The following PUM1 variants were observed in gnomAD, a reference collection of about 807,000 sequenced individuals.
PUM1 encodes pumilio homolog 1.
In PUM1, 13 loss-of-function variants were observed where a neutral mutation model predicts 131.8. The ratio of observed to expected loss-of-function variants is 0.10; its 90% CI spans 0.06 to 0.16. The LOEUF (loss-of-function observed/expected upper bound fraction) is 0.16. Ranked by LOEUF, PUM1 falls within the 10% of genes least tolerant of loss-of-function variation. The probability of loss-of-function intolerance (pLI) is 1.00; values close to 1 mark genes in which losing one functional copy is unlikely to be tolerated. For missense variants in PUM1, 961 were observed against 1,512.4 expected, an observed-to-expected ratio of 0.64 and a Z score of 6.05; for synonymous variants, 509 against 556.5, an observed-to-expected ratio of 0.91 and a Z score of 1.20.
intron 14 of PUM1, among the ~76,000 whole-genome samples, chr1:30,963,575 C>T (rs1000556776): frequency 6.6e-6 from 1 of 152,198 alleles, no homozygotes; most frequent in Non-Finnish European, 1.5e-5. Flanking sequence ...GTCTATTACC[C>T]TACCCACTTC....
In PUM1 at chr1:30,933,346, G is replaced by A; in HGVS notation, c.3436-4C>T. 2 of 1,612,966 alleles carry A rather than the reference G, an allele frequency of 1.2e-6. No individual in the cohort carries two copies. The highest frequency in any genetic ancestry group is 1.7e-6 in the Non-Finnish European group (2 of 1,179,284). ...GAGTTGCGATGTGGGGCCGGATCTG[G>A]GGAGGAAAGACAGTCTGTGTTACAT... On this transcript the variant is annotated splice_region_variant and splice_polypyrimidine_tract_variant and intron_variant, in intron 21 of 21. Transcript: ENST00000426105.
chr1:30,951,297 T>C (rs540329086), intron 16 of PUM1, among the ~76,000 whole-genome samples: 1 of 152,296 alleles, frequency 6.6e-6, no homozygotes, highest in African/African-American at 2.4e-5. Flanking sequence ...CAGTGCAAAG[T>C]CATTCTAAAA....
Position 30,952,408 on chromosome 1 carries a change from C to G in PUM1, c.2592-45G>C, listed in dbSNP as rs758413174. The G allele has an allele frequency of 5.5e-5, 89 of 1,612,156 alleles. No homozygotes were observed. In the South Asian group the frequency reaches 9.6e-4, roughly 17 times the overall value. On this transcript the variant is annotated intron_variant, in intron 15 of 21. Coordinates refer to ENST00000426105, the MANE Select transcript of PUM1 (RefSeq NM_001020658.2). ...GGGCAATCACAGCACTGAAGGAAGA[C>G]CTGGAGATACATCAGTGTACCTCGG...
chr1:31,010,515 G>A (rs886593427), intron 3 of PUM1, among the ~76,000 whole-genome samples: 1 of 152,050 alleles, frequency 6.6e-6, no homozygotes, highest in Non-Finnish European at 1.5e-5. Context: ...CTATACAGAC[G>A]CCACATGAAG....
chr1:31,036,207 C>G (rs1039338332), intron 2 of PUM1, among the ~76,000 whole-genome samples: 1 of 151,994 alleles, frequency 6.6e-6, no homozygotes, highest in African/African-American at 2.4e-5. Flanking sequence ...GTAGCTGGGA[C>G]TACGAGTGCG....
Position 30,995,126 on chromosome 1 carries a change from T to G in PUM1, c.815A>C (p.Glu272Ala). ...DGDKLGDLKEEGDVMDKTNGL... is the reference protein window; with the variant it reads ...DGDKLGDLKEAGDVMDKTNGL... Reference sequence around the variant, plus strand: ...ATTGGTCTTGTCCATCACATCACCCTCCTCCTTCAAATCTCCTAGCTTATC... The same window carrying G: ...ATTGGTCTTGTCCATCACATCACCCGCCTCCTTCAAATCTCCTAGCTTATC... Residue 272 changes from glutamate to alanine, a missense_variant, in exon 6 of 22, where the codon GAG becomes GCG. By Grantham distance (107) the Glu-to-Ala change is moderately radical. This residue lies in a region of PUM1 where 654 missense variants were observed against 923.9 expected (regional missense o/e 0.71). Transcript: ENST00000426105. The G allele has an allele frequency of 6.2e-7, 1 of 1,614,176 alleles. No individual in the cohort carries two copies. Among genetic ancestry groups the G allele is most frequent in the Non-Finnish European group, 8.5e-7 (1 of 1,180,024 alleles).
chr1:30,986,446 A>C (rs1168662369), intron 7 of PUM1, among the ~76,000 whole-genome samples: 3 of 152,142 alleles, frequency 2.0e-5, no homozygotes, highest in African/African-American at 7.2e-5. Context: ...TGAAGCTTCT[A>C]GATAAAAGCC....
rs1377052491 is a variant in PUM1, at chr1:30,974,640, T to C, written c.1506+11A>G. The C allele has an allele frequency of 1.3e-6, 2 of 1,592,116 alleles. No individual in the cohort carries two copies. Among genetic ancestry groups the C allele is most frequent in the South Asian group, 1.1e-5 (1 of 87,962 alleles). On this transcript the variant is annotated intron_variant, in intron 10 of 21. Coordinates refer to ENST00000426105, the MANE Select transcript of PUM1 (RefSeq NM_001020658.2). ...TCCCACTTAGAAGAGGTAAATTTTG[T>C]CTACATTTACCTGCTGCTGTCCTTG... is the stretch of plus-strand genomic sequence containing the variant.
At chr1:31,057,594 G>A (rs1035640977) in intron 2 of PUM1, among the ~76,000 whole-genome samples, 1 of 151,386 alleles carries the variant, frequency 6.6e-6, no homozygotes, top group Non-Finnish European at 1.5e-5. Context: ...GTATGGAGGT[G>A]GGTGCCTGTA....
chr1:31,062,122 A>G (rs1644380273), intron 1 of PUM1, among the ~76,000 whole-genome samples: 1 of 152,228 alleles, frequency 6.6e-6, no homozygotes, highest in African/African-American at 2.4e-5. Flanking sequence ...AAAGGATTCA[A>G]ACCCTAATCG....
At chr1:30,994,909 C>A (rs750530711) in intron 6 of PUM1, 145 bp downstream of exon 6, 20 of 815,632 alleles carry the variant, frequency 2.5e-5, no homozygotes, top group Non-Finnish European at 3.3e-5. Context: ...AATTTACAAT[C>A]TTTGTAGCAT....
chr1:30,967,361 C>A, intron 11 of PUM1, 51 bp from the exon 12 acceptor site: 1 of 1,546,684 alleles, frequency 6.5e-7, no homozygotes, highest in South Asian at 1.1e-5. Context: ...AAACAAGTAT[C>A]TCCTGGGCAC....
At chr1:31,013,965 G>A (rs1259812337) in intron 3 of PUM1, among the ~76,000 whole-genome samples, 1 of 152,046 alleles carries the variant, frequency 6.6e-6, no homozygotes, top group African/African-American at 2.4e-5. Context: ...TTCATTCCTG[G>A]TTAGCGTAAT....
At chr1:30,973,222 TG>T (rs146432389) in intron 10 of PUM1, 42,123 of 149,922 alleles carry the variant, frequency 0.28, 6,355 homozygotes, top group Non-Finnish European at 0.34. Context: ...TTTCAAGACC[TG>T]TTTTTTTTTT....
intron 21 of PUM1, among the ~76,000 whole-genome samples, chr1:30,933,577 G>C (rs891494676): frequency 6.6e-6 from 1 of 152,108 alleles, no homozygotes; most frequent in African/African-American, 2.4e-5. Flanking sequence ...CTCCTACCCT[G>C]AGTGGTGCCA....
At chr1:31,017,020 T>G (rs369142384) in intron 3 of PUM1, among the ~76,000 whole-genome samples, 9 of 152,174 alleles carry the variant, frequency 5.9e-5, no homozygotes, top group African/African-American at 1.9e-4. Context: ...CAAGATGAGG[T>G]AATCTGATCT....
chr1:31,029,726 C>T (rs1643349640), intron 2 of PUM1, among the ~76,000 whole-genome samples: 1 of 152,062 alleles, frequency 6.6e-6, no homozygotes, highest in African/African-American at 2.4e-5. Context: ...AGGCTCCCAG[C>T]CTGGGGAACA....
intron 21 of PUM1, among the ~76,000 whole-genome samples, chr1:30,934,080 G>A (rs1296660608): frequency 6.6e-6 from 1 of 152,102 alleles, no homozygotes; most frequent in Admixed American, 6.5e-5. Flanking sequence ...CATCCCTCAG[G>A]CTCTCCGACC....
intron 4 of PUM1, among the ~76,000 whole-genome samples, chr1:31,006,531 A>C (rs1642407545): frequency 6.6e-6 from 1 of 152,132 alleles, no homozygotes; most frequent in African/African-American, 2.4e-5. Flanking sequence ...TGCCTCTATA[A>C]GTTCTCCCCA....
Sources: gnomAD v4.1 joint callset for allele counts (sites outside exome capture counted in the v4.1 genomes callset) on GRCh38, gnomAD v4.1.1 for gene constraint, gnomAD v4.1.1 regional missense constraint, MANE v1.5 for transcripts, NCBI Gene and HGNC (gene_info 2026-07-23, HGNC 2026-07-21) for gene names.